Variants in GLG1 observed in about 807,000 individuals in gnomAD.
GLG1 encodes the protein golgi glycoprotein 1.
GLG1 carries 38 observed loss-of-function variants against 160.5 expected under a neutral mutation model. The observed-to-expected ratio is 0.24, with a 90% CI of 0.18 to 0.31. The LOEUF is 0.31. Among genes scored for constraint, GLG1 ranks in the 10% least tolerant of loss-of-function variants. The pLI is 1.00. For synonymous variants in GLG1, 644 were observed against 543.4 expected (o/e 1.19, Z -2.57); for missense variants, 1,373 against 1,505.2 (o/e 0.91, Z 1.45).
intron 2 of GLG1, among the ~76,000 whole-genome samples, chr16:74,513,565 G>C (rs184030761): frequency 3.9e-5 from 6 of 152,284 alleles, no homozygotes; most frequent in Non-Finnish European, 4.4e-5. Context: ...CTGTCTCTTA[G>C]AAGGAAAACT....
intron 1 of GLG1, among the ~76,000 whole-genome samples, chr16:74,586,475 A>G (rs1958055731): frequency 1.3e-5 from 2 of 151,922 alleles, no homozygotes; most frequent in Non-Finnish European, 2.9e-5. Flanking sequence ...TGGGCAATGG[A>G]AAGATAATTT....
intron 23 of GLG1, 93 bp from the exon 24 acceptor site, chr16:74,458,087 G>T: frequency 7.6e-7 from 1 of 1,310,484 alleles, no homozygotes; most frequent in East Asian, 2.3e-5. Flanking sequence ...ATAAAAAAGG[G>T]GGGAAGTTGA....
At chr16:74,524,491 G>A (rs1046480047) in intron 2 of GLG1, among the ~76,000 whole-genome samples, 2 of 150,904 alleles carry the variant, frequency 1.3e-5, no homozygotes, top group Non-Finnish European at 2.9e-5. Flanking sequence ...ATTTGATGAT[G>A]TTAAAGAATT....
At chr16:74,606,601 A>C in intron 1 of GLG1, 56 bp downstream of exon 1, 1 of 1,449,416 alleles carries the variant, frequency 6.9e-7, no homozygotes, top group South Asian at 1.4e-5. Context: ...CAAGGCCGGC[A>C]ACACCCTCGG....
intron 8 of GLG1, among the ~76,000 whole-genome samples, chr16:74,488,880 A>G (rs1298453733): frequency 6.6e-6 from 1 of 152,046 alleles, no homozygotes; most frequent in Admixed American, 6.6e-5. Flanking sequence ...TGGCCTCCCA[A>G]AGTTCTGGGA....
At chr16:74,575,890 T>C (rs186570810) in intron 1 of GLG1, among the ~76,000 whole-genome samples, 2 of 151,138 alleles carry the variant, frequency 1.3e-5, no homozygotes, top group Admixed American at 1.3e-4. Flanking sequence ...GCTCTCATGC[T>C]CTCTCTCTCT....
intron 1 of GLG1, among the ~76,000 whole-genome samples, chr16:74,580,533 G>A (rs1165823534): frequency 1.3e-5 from 2 of 151,960 alleles, no homozygotes; most frequent in African/African-American, 4.8e-5. Context: ...AACTCAAAAT[G>A]GATCAAAGGC....
intron 1 of GLG1, among the ~76,000 whole-genome samples, chr16:74,605,478 G>A (rs1273234499): frequency 1.3e-5 from 2 of 152,126 alleles, no homozygotes; most frequent in African/African-American, 4.8e-5. Flanking sequence ...ACAGAGTTAG[G>A]AATATTAGCT....
At chr16:74,545,965 G>T (rs1361101331) in intron 1 of GLG1, among the ~76,000 whole-genome samples, 1 of 152,178 alleles carries the variant, frequency 6.6e-6, no homozygotes, top group African/African-American at 2.4e-5. Flanking sequence ...TCATGCATTT[G>T]TCTGAGTTTG....
At chr16:74,473,961 T>C (rs9936212) in intron 13 of GLG1, among the ~76,000 whole-genome samples, 143,488 of 151,908 alleles carry the variant, frequency 0.94, 67,959 homozygotes, top group East Asian at 0.99. Context: ...CTATTTTTTT[T>C]TTTTTTTTGA....
intron 1 of GLG1, among the ~76,000 whole-genome samples, chr16:74,577,199 T>C (rs1322898779): frequency 6.6e-6 from 1 of 151,832 alleles, no homozygotes; most frequent in Non-Finnish European, 1.5e-5. Flanking sequence ...GTGCTGCAAA[T>C]ACAGGTGTAA....
At chr16:74,584,567 T>C (rs547702664) in intron 1 of GLG1, among the ~76,000 whole-genome samples, 14 of 152,082 alleles carry the variant, frequency 9.2e-5, no homozygotes, top group Non-Finnish European at 1.8e-4. Context: ...ATAAGAATGA[T>C]ATAATGAACT....
At chr16:74,490,641 C>G (rs2015948620) in intron 8 of GLG1, among the ~76,000 whole-genome samples, 1 of 152,220 alleles carries the variant, frequency 6.6e-6, no homozygotes, top group Admixed American at 6.5e-5. Flanking sequence ...CAGGCAAATT[C>G]TCTCTTGGTA....
intron 1 of GLG1, among the ~76,000 whole-genome samples, chr16:74,546,798 A>G (rs2018058677): frequency 8.0e-6 from 1 of 125,738 alleles, no homozygotes; most frequent in Admixed American, 1.0e-4. Flanking sequence ...AGATCATGCC[A>G]CTGCACTCCA....
chr16:74,563,684 G>C (rs1018506851), intron 1 of GLG1, among the ~76,000 whole-genome samples: 1 of 92,930 alleles, frequency 1.1e-5, no homozygotes, highest in Non-Finnish European at 2.0e-5. Context: ...CCGAGATCAC[G>C]CCACTATTCT....
At chr16:74,589,860 A>T (rs944656757) in intron 1 of GLG1, among the ~76,000 whole-genome samples, 3 of 152,006 alleles carry the variant, frequency 2.0e-5, no homozygotes, top group Admixed American at 1.3e-4. Flanking sequence ...TTGCTTGAAC[A>T]CGGGAAGCAG....
rs759893128 is a variant in GLG1 at position 74,503,391 on chromosome 16, C to T, written c.774+140G>A. On this transcript the variant is annotated intron_variant, in intron 4 of 25. Coordinates refer to ENST00000422840, the MANE Select transcript of GLG1 (RefSeq NM_001145667.2). ...AATACATTGTCAACCAGCCTTAGCTCTTAGGGCTGTCTGGACAAGTTTCTT... is the reference window on the plus strand; with the variant it reads ...AATACATTGTCAACCAGCCTTAGCTTTTAGGGCTGTCTGGACAAGTTTCTT... 7.0e-5 allele frequency: 46 copies of T among 658,510 alleles called. No individual in the cohort carries two copies. In the East Asian group the frequency reaches 1.2e-3, roughly 17 times the overall value. 40.8% of individuals were successfully genotyped at this position (658,510 alleles called of 1,614,324 possible). A position where few individuals can be genotyped will look rare whatever the true frequency, so the allele number is the denominator to read the frequency against.
rs561828501 is a variant in GLG1 at position 74,566,143 on chromosome 16, G to A, written c.439-33990C>T. 7.2e-5 allele frequency among the ~76,000 whole-genome samples: 11 copies of A among 152,236 alleles called. No homozygotes were observed. In the East Asian group the frequency reaches 1.3e-3, roughly 19 times the overall value. ...CTACAAACACCACCTCACTCATAAC[G>A]TCAACTTTGATCACTTGGCCAAGGT... On this transcript the variant is annotated intron_variant, in intron 1 of 25. Transcript: ENST00000422840.
chr16:74,483,351 G>A (rs2015674593), intron 9 of GLG1, among the ~76,000 whole-genome samples: 1 of 152,194 alleles, frequency 6.6e-6, no homozygotes, highest in Non-Finnish European at 1.5e-5. Context: ...AGGGCAGTGT[G>A]CAGCTGCTGT....
Sources: gnomAD v4.1 joint callset for allele counts (sites outside exome capture counted in the v4.1 genomes callset) on GRCh38, gnomAD v4.1.1 for gene constraint, MANE v1.5 for transcripts, NCBI Gene and HGNC (gene_info 2026-07-23, HGNC 2026-07-21) for gene names.